The following FAM98A variants were observed in gnomAD, a reference collection of about 807,000 sequenced individuals.
FAM98A encodes tRNA splicing ligase complex subunit 3A.
Under a neutral mutation model 62.9 loss-of-function variants are expected in FAM98A, and 25 were observed. The observed-to-expected ratio is 0.40, with a 90% CI of 0.29 to 0.56. The LOEUF is 0.56. Among genes scored for constraint, FAM98A ranks in the 20% least tolerant of loss-of-function variants. FAM98A has a pLI of 0.51. For synonymous variants in FAM98A, 252 were observed against 228.6 expected, an observed-to-expected ratio of 1.10 and a Z score of -0.92; for missense variants, 653 against 640.7, an observed-to-expected ratio of 1.02 and a Z score of -0.21.
rs532592008 is a variant in FAM98A, at chr2:33,595,522, A to C, written c.169T>G (p.Cys57Gly). The C allele has an allele frequency of 6.2e-6, 10 of 1,608,454 alleles. No individual in the cohort carries two copies. The African/African-American group carries it at 1.3e-4, about 22-fold the overall frequency. The change falls in exon 2 of 8, where the codon TGT becomes GGT. Residue 57 changes from cysteine (C) to glycine (G), a missense_variant. Cys to Gly is a radical substitution (Grantham distance 159). Transcript: ENST00000238823. Reference protein sequence around the residue: ...AWLVSELRVLCKLEENVQATN... With the variant: ...AWLVSELRVLGKLEENVQATN... ...GCTTGCACGTTTTCCTCTAGTTTAC[A>C]GAGCACTCTTAATTCAGACACCAGC...
chr2:33,595,431 T>C (rs898137823), intron 2 of FAM98A, 58 bp downstream of exon 2: 8 of 1,434,420 alleles, frequency 5.6e-6, no homozygotes, highest in Non-Finnish European at 3.8e-6. Context: ...TAATGTTCAG[T>C]TGACAATACC....
chr2:33,598,024 T>TTTCCA (rs1677853311), intron 1 of FAM98A, among the ~76,000 whole-genome samples: 1 of 152,222 alleles, frequency 6.6e-6, no homozygotes, highest in African/African-American at 2.4e-5. Context: ...CCCTAAAGTC[T>TTTCCA]GGAATATTTA....
At chr2:33,594,573 ATAT>A (rs1677752595) in intron 2 of FAM98A, among the ~76,000 whole-genome samples, 1 of 108,100 alleles carries the variant, frequency 9.3e-6, no homozygotes, top group Admixed American at 9.6e-5. Context: ...ATATATATAT[ATAT>A]ACACACACAC....
At position 33,584,683 on chromosome 2, in the gene FAM98A, G is replaced by A; in HGVS notation, c.*93C>T. On this transcript the variant is annotated 3_prime_UTR_variant, in exon 8 of 8. Transcript: ENST00000238823. ...AGCAGGAATCTGCCTGCCACCTGTG[G>A]TCTCACATTAATTCAAAATAGGTGC... 1 of 1,106,916 alleles carries A rather than the reference G, an allele frequency of 9.0e-7. No individual in the cohort carries two copies. Among genetic ancestry groups the A allele is most frequent in the Non-Finnish European group, 1.3e-6 (1 of 762,692 alleles). The allele number at this position is 1,106,916 out of a possible 1,614,324, so 68.6% of individuals were successfully genotyped here.
intron 2 of FAM98A, among the ~76,000 whole-genome samples, chr2:33,592,558 C>T (rs114555592): frequency 0.029 from 4,475 of 152,146 alleles, 104 homozygotes; most frequent in Non-Finnish European, 0.05. Flanking sequence ...TTTGTAGAGA[C>T]TAGGTCTCAG....
Position 33,584,617 on chromosome 2 carries a change from A to G in FAM98A, c.*159T>C. 1.5e-6 allele frequency: 1 copy of G among 645,706 alleles called. No individual in the cohort carries two copies. The highest frequency in any genetic ancestry group is 2.2e-5 in the South Asian group (1 of 46,014). 40.0% of individuals were successfully genotyped at this position (645,706 alleles called of 1,614,324 possible). A position where few individuals can be genotyped will look rare whatever the true frequency, so the allele number is the denominator to read the frequency against. ...GGCATTATGTAAGTCCAATAAAAAA[A>G]TCTAACAGAATTGAATGAAGACCTA... On this transcript the variant is annotated 3_prime_UTR_variant, in exon 8 of 8. Transcript: ENST00000238823.
At chr2:33,596,294 A>C (rs1036950123) in intron 1 of FAM98A, among the ~76,000 whole-genome samples, 1 of 152,260 alleles carries the variant, frequency 6.6e-6, no homozygotes, top group African/African-American at 2.4e-5. Flanking sequence ...AGTTAAGACT[A>C]GTAAGACATT....
At chr2:33,585,784 A>G (rs1157314706) in intron 6 of FAM98A, 87 bp from the exon 7 acceptor site, 1 of 1,154,806 alleles carries the variant, frequency 8.7e-7, no homozygotes, top group African/African-American at 1.5e-5. Context: ...GGTCTCCAAA[A>G]TATCTGATAA....
chr2:33,597,052 G>A (rs1395764469), intron 1 of FAM98A, among the ~76,000 whole-genome samples: 1 of 152,064 alleles, frequency 6.6e-6, no homozygotes, highest in Non-Finnish European at 1.5e-5. Context: ...CATGTAGTCT[G>A]GCATCTAGAT....
intron 3 of FAM98A, chr2:33,589,851 A>T (rs1193966584): frequency 6.6e-6 from 1 of 152,210 alleles, no homozygotes; most frequent in African/African-American, 2.4e-5. Flanking sequence ...TAGTTGTGAC[A>T]GAGAACTTAG....
intron 4 of FAM98A, chr2:33,587,790 A>C (rs1230116616): frequency 1.8e-5 from 3 of 168,036 alleles, no homozygotes; most frequent in African/African-American, 7.2e-5. Context: ...GTTCCTAATT[A>C]ATTATATAGA....
At position 33,583,951 on chromosome 2, in the gene FAM98A, C is replaced by T. The variant is rs1448401546; in HGVS notation, c.*825G>A. On this transcript the variant is annotated 3_prime_UTR_variant, in exon 8 of 8. Coordinates refer to ENST00000238823, the MANE Select transcript of FAM98A (RefSeq NM_015475.5). Reference sequence around the variant, plus strand: ...AGCAAACTAACTTGTATTTGCTGAGCCAGTGGTATTAACTCATGCATAAAA... The same window carrying T: ...AGCAAACTAACTTGTATTTGCTGAGTCAGTGGTATTAACTCATGCATAAAA... The T allele has an allele frequency of 6.6e-6, 1 of 152,570 alleles. No individual in the cohort carries two copies. The highest frequency in any genetic ancestry group is 2.4e-5 in the African/African-American group (1 of 41,438). The allele number at this position is 152,570 out of a possible 1,614,324, so 9.5% of individuals were successfully genotyped here.
intron 2 of FAM98A, among the ~76,000 whole-genome samples, chr2:33,594,750 T>G (rs1677764998): frequency 6.6e-6 from 1 of 151,168 alleles, no homozygotes; most frequent in Non-Finnish European, 1.5e-5. Flanking sequence ...GGTGAGCTCT[T>G]CAAAACGTGA....
rs1254001328 is a variant in FAM98A, at chr2:33,591,165, C to T, written c.337+915G>A. On this transcript the variant is annotated intron_variant, in intron 3 of 7. Coordinates refer to ENST00000238823, the MANE Select transcript of FAM98A (RefSeq NM_015475.5). ...AGTTACAAAAGTGATTCTGGAATAACTTAGTGCCTAAGTATAATGGCTATG... is the reference window on the plus strand; with the variant it reads ...AGTTACAAAAGTGATTCTGGAATAATTTAGTGCCTAAGTATAATGGCTATG... Among the ~76,000 whole-genome samples, 5 of 151,430 alleles carry T rather than the reference C, an allele frequency of 3.3e-5. No homozygotes were observed. In the South Asian group the frequency reaches 6.2e-4, roughly 19 times the overall value.
chr2:33,586,702 G>A (rs752336301), intron 5 of FAM98A, 24 bp from the exon 6 acceptor site: 1 of 1,471,754 alleles, frequency 6.8e-7, no homozygotes, highest in East Asian at 2.3e-5. Context: ...AAAAAGACTA[G>A]TTAGAGTTTA....
chr2:33,584,547 A>G lies in FAM98A; in HGVS notation c.*229T>C, dbSNP rs1677489721. On this transcript the variant is annotated 3_prime_UTR_variant, in exon 8 of 8. Coordinates refer to ENST00000238823, the MANE Select transcript of FAM98A (RefSeq NM_015475.5). Reference sequence around the variant, plus strand: ...AGGCAATTTTAACCACCTTTTAAAAAATTTTTCATAGAAAGGAGAGATGTT... The same window carrying G: ...AGGCAATTTTAACCACCTTTTAAAAGATTTTTCATAGAAAGGAGAGATGTT... The G allele has an allele frequency of 2.2e-6, 1 of 461,248 alleles. No individual in the cohort carries two copies. Among genetic ancestry groups the G allele is most frequent in the East Asian group, 3.1e-5 (1 of 31,940 alleles). 28.6% of individuals were successfully genotyped at this position (461,248 alleles called of 1,614,324 possible).
At position 33,592,066 on chromosome 2, in the gene FAM98A, A is replaced by C. The variant is rs770507226; in HGVS notation, c.337+14T>G. ...CAGAAAGTAATAGCTATATTCTAGT[A>C]GCCATGAACTTACTGAGCAAGAGGA... On this transcript the variant is annotated intron_variant, in intron 3 of 7. Coordinates refer to ENST00000238823, the MANE Select transcript of FAM98A (RefSeq NM_015475.5). 3 of 1,607,432 alleles carry C rather than the reference A, an allele frequency of 1.9e-6. No homozygotes were observed. In the African/African-American group the frequency reaches 4.0e-5, roughly 22 times the overall value.
chr2:33,595,057 C>T (rs996115524), intron 2 of FAM98A, among the ~76,000 whole-genome samples: 72 of 152,258 alleles, frequency 4.7e-4, no homozygotes, highest in African/African-American at 1.6e-3. Context: ...ACAAAGTGTT[C>T]TCTTTCTCCC....
intron 5 of FAM98A, chr2:33,586,999 TCA>T (rs1172476590): frequency 2.1e-5 from 11 of 526,588 alleles, no homozygotes; most frequent in African/African-American, 1.7e-4. Context: ...ATACTTAATT[TCA>T]GTTTACTTTT....
Sources: gnomAD v4.1 joint callset for allele counts (sites outside exome capture counted in the v4.1 genomes callset) on GRCh38, gnomAD v4.1.1 for gene constraint, MANE v1.5 for transcripts, NCBI Gene and HGNC (gene_info 2026-07-23, HGNC 2026-07-21) for gene names.